The following INSR variants were observed in gnomAD, a reference collection of about 807,000 sequenced individuals.
INSR encodes insulin receptor.
A neutral mutation model predicts 142.6 loss-of-function variants in INSR; 67 were observed. The ratio of observed to expected loss-of-function variants is 0.47; its 90% CI spans 0.39 to 0.58. The LOEUF is 0.58. Among genes scored for constraint, INSR ranks in the 20% least tolerant of loss-of-function variants. INSR has a pLI of 0.00. For missense variants in INSR, 1,248 were observed against 1,833.2 expected, an observed-to-expected ratio of 0.68 and a Z score of 5.83; for synonymous variants, 756 against 743.1, an observed-to-expected ratio of 1.02 and a Z score of -0.28.
At chr19:7,172,982 G>C (rs1252356156) in intron 4 of INSR, among the ~76,000 whole-genome samples, 1 of 152,008 alleles carries the variant, frequency 6.6e-6, no homozygotes, top group Non-Finnish European at 1.5e-5. Context: ...AAGTTTTATT[G>C]GAACAAAGCC....
Position 7,128,923 on chromosome 19 carries a change from G to T in INSR, c.2874C>A (p.Ile958=). 1 of 1,613,718 alleles carries T rather than the reference G, an allele frequency of 6.2e-7. No individual in the cohort carries two copies. The highest frequency in any genetic ancestry group is 1.1e-5 in the South Asian group (1 of 91,082). Residue 958 remains isoleucine (I), a synonymous_variant, in exon 15 of 22, where the codon ATC becomes ATA. Transcript: ENST00000302850. ...LDVPSNIAKI[I]IGPLIFVFLF... is the part of the protein sequence containing the mutation. The stretch of plus-strand genomic sequence containing the variant: ...GAAAGACAAAGATGAGGGGGCCGAT[G>T]ATAATTTTTGCAATATTTGACGGGA...
intron 18 of INSR, 52 bp downstream of exon 18, chr19:7,122,827 C>T (rs1972526448): frequency 5.0e-6 from 8 of 1,612,616 alleles, no homozygotes; most frequent in Non-Finnish European, 6.8e-6. Flanking sequence ...CCGAGGAGGC[C>T]AGGAGCGGGT....
Position 7,142,748 on chromosome 19 carries a change from G to A in INSR, c.2542+68C>T, listed in dbSNP as rs1191213046. 2.8e-5 allele frequency: 44 copies of A among 1,569,614 alleles called. No homozygotes were observed. The Admixed American group carries it at 7.0e-4, about 25-fold the overall frequency. ...ACAGATATGCACTGCTTAGAGGGTGGAGAATCTGTCCTTGGTCAGCCTTGA... is the reference window on the plus strand; with the variant it reads ...ACAGATATGCACTGCTTAGAGGGTGAAGAATCTGTCCTTGGTCAGCCTTGA... On this transcript the variant is annotated intron_variant, in intron 12 of 21. Coordinates refer to ENST00000302850, the MANE Select transcript of INSR (RefSeq NM_000208.4).
intron 2 of INSR, among the ~76,000 whole-genome samples, chr19:7,207,499 C>T (rs1344049123): frequency 2.6e-5 from 4 of 152,112 alleles, no homozygotes; most frequent in Non-Finnish European, 5.9e-5. Flanking sequence ...CCCTCACCCA[C>T]ACACAGACAC....
At position 7,249,006 on chromosome 19, in the gene INSR, A is replaced by G. The variant is rs547892826; in HGVS notation, c.652+18339T>C. On this transcript the variant is annotated intron_variant, in intron 2 of 21. Coordinates refer to ENST00000302850, the MANE Select transcript of INSR (RefSeq NM_000208.4). ...ACTCCCCACCTCAGATGATCCGCCC[A>G]CCTCGGCCTCCCAAAATGCTGGGAT... Among the ~76,000 whole-genome samples, 6 of 152,076 alleles carry G rather than the reference A, an allele frequency of 3.9e-5. No homozygotes were observed. The East Asian group carries it at 1.2e-3, about 29-fold the overall frequency.
intron 10 of INSR, 151 bp downstream of exon 10, chr19:7,152,575 T>A: frequency 1.3e-6 from 1 of 758,512 alleles, no homozygotes; most frequent in Admixed American, 1.8e-5. Flanking sequence ...CTGCAAGATC[T>A]CTTCCTCCAC....
chr19:7,194,395 C>T (rs974576979), intron 2 of INSR, among the ~76,000 whole-genome samples: 2 of 146,874 alleles, frequency 1.4e-5, no homozygotes, highest in African/African-American at 5.1e-5. Context: ...CCAGCCTGGA[C>T]GACAGAATGA....
intron 13 of INSR, among the ~76,000 whole-genome samples, chr19:7,134,241 T>C (rs994085474): frequency 6.6e-6 from 1 of 152,160 alleles, no homozygotes; most frequent in African/African-American, 2.4e-5. Context: ...CTCTAGAACT[T>C]CTCCTTAAGA....
At chr19:7,253,162 G>A (rs1157775795) in intron 2 of INSR, among the ~76,000 whole-genome samples, 1 of 151,218 alleles carries the variant, frequency 6.6e-6, no homozygotes, top group Non-Finnish European at 1.5e-5. Context: ...AAACCCTCTA[G>A]GTAGGTACTT....
intron 13 of INSR, 186 bp downstream of exon 13, chr19:7,141,491 G>A: frequency 1.4e-6 from 1 of 733,722 alleles, no homozygotes; most frequent in Non-Finnish European, 2.3e-6. Context: ...TAACAAGCTG[G>A]TAGATTGGCA....
rs1446733022 is a variant in INSR, at chr19:7,202,980, G to C, written c.653-18343C>G. Among the ~76,000 whole-genome samples, 5 of 113,816 alleles carry C rather than the reference G, an allele frequency of 4.4e-5. No individual in the cohort carries two copies. In the Admixed American group the frequency reaches 4.6e-4, roughly 11 times the overall value. 74.7% of individuals were successfully genotyped at this position (113,816 alleles called of 152,430 possible). A position where few individuals can be genotyped will look rare whatever the true frequency, so the allele number is the denominator to read the frequency against. ...CTGCTTTTTTGGAATGTATTGGTTT[G>C]GGGTGGGGTTTTGTTGTTTTTTTTT... On this transcript the variant is annotated intron_variant, in intron 2 of 21. Transcript: ENST00000302850.
intron 9 of INSR, among the ~76,000 whole-genome samples, chr19:7,156,052 CTTTTTTT>C (rs147889782): frequency 1.2e-4 from 8 of 67,372 alleles, no homozygotes; most frequent in East Asian, 1.1e-3. Context: ...ATATGGAATT[CTTTTTTT>C]TTTTTTTTTT....
chr19:7,273,430 A>G (rs1967978470), intron 1 of INSR, among the ~76,000 whole-genome samples: 1 of 152,070 alleles, frequency 6.6e-6, no homozygotes, highest in Non-Finnish European at 1.5e-5. Flanking sequence ...CATAATGGGT[A>G]CCTGGTTAAT....
intron 2 of INSR, among the ~76,000 whole-genome samples, chr19:7,209,824 A>G (rs1250371217): frequency 6.6e-6 from 1 of 152,066 alleles, no homozygotes; most frequent in Non-Finnish European, 1.5e-5. Flanking sequence ...TTTGAATACT[A>G]TTTCATCCAC....
chr19:7,126,182 C>A (rs1972641365), intron 16 of INSR, among the ~76,000 whole-genome samples: 1 of 152,158 alleles, frequency 6.6e-6, no homozygotes, highest in Non-Finnish European at 1.5e-5. Context: ...CAGCTTAGGG[C>A]CCCCACCTTG....
chr19:7,152,996 C>CA (rs1973417096), intron 9 of INSR, 69 bp from the exon 10 acceptor site: 3 of 749,398 alleles, frequency 4.0e-6, no homozygotes, highest in Non-Finnish European at 6.5e-6. Flanking sequence ...CACACACACA[C>CA]CCCACACACA....
chr19:7,200,859 CAAAA>C (rs59770137), intron 2 of INSR, among the ~76,000 whole-genome samples: 8,818 of 76,102 alleles, frequency 0.12, 381 homozygotes, highest in Middle Eastern at 0.21. Flanking sequence ...GACCTTATCT[CAAAA>C]AAAAAAAAAA....
chr19:7,221,018 G>T (rs1975593541), intron 2 of INSR, among the ~76,000 whole-genome samples: 1 of 152,132 alleles, frequency 6.6e-6, no homozygotes, highest in Non-Finnish European at 1.5e-5. Context: ...GACACTCTCA[G>T]CTCCCTCGCC....
chr19:7,265,192 T>C (rs572916463), intron 2 of INSR, among the ~76,000 whole-genome samples: 1 of 152,136 alleles, frequency 6.6e-6, no homozygotes, highest in South Asian at 2.1e-4. Context: ...TCCTTGAGCA[T>C]GAAAACATGA....
Sources: gnomAD v4.1 joint callset for allele counts (sites outside exome capture counted in the v4.1 genomes callset) on GRCh38, gnomAD v4.1.1 for gene constraint, MANE v1.5 for transcripts, NCBI Gene and HGNC (gene_info 2026-07-23, HGNC 2026-07-21) for gene names.